The following SOX5 variants were observed in gnomAD, a reference collection of about 807,000 sequenced individuals.
SOX5 encodes transcription factor SOX-5.
In SOX5, 9 loss-of-function variants were observed where a neutral mutation model predicts 92.0. That is an observed-to-expected ratio of 0.10 (90% CI 0.06 to 0.17). The LOEUF (loss-of-function observed/expected upper bound fraction) is 0.17, where lower values mean the gene tolerates loss of function less well. Ranked by LOEUF, SOX5 falls within the 10% of genes least tolerant of loss-of-function variation. The pLI, the probability that SOX5 is intolerant of heterozygous loss-of-function variation, is 1.00. For synonymous variants in SOX5, 344 were observed against 336.3 expected, an observed-to-expected ratio of 1.02 and a Z score of -0.25; for missense variants, 642 against 944.5, an observed-to-expected ratio of 0.68 and a Z score of 4.20.
intron 1 of SOX5, among the ~76,000 whole-genome samples, chr12:24,421,818 G>A (rs534436528): frequency 2.0e-4 from 30 of 152,150 alleles, no homozygotes; most frequent in African/African-American, 6.5e-4. Context: ...ATATCCTATC[G>A]GAATGAGTTG....
intron 3 of SOX5, among the ~76,000 whole-genome samples, chr12:23,797,668 T>C (rs1464010387): frequency 6.6e-6 from 1 of 152,082 alleles, no homozygotes; most frequent in Non-Finnish European, 1.5e-5. Flanking sequence ...AGTTTGGGAC[T>C]GTTCTAAAGA....
At chr12:23,617,128 G>GAA (rs34672362) in intron 8 of SOX5, among the ~76,000 whole-genome samples, 23 of 106,164 alleles carry the variant, frequency 2.2e-4, no homozygotes, top group Non-Finnish European at 3.5e-4. Context: ...TCTGTCTCAA[G>GAA]AAAAAAAAAA....
chr12:24,339,163 CCA>C (rs56243419), intron 2 of SOX5, among the ~76,000 whole-genome samples: 16,624 of 140,288 alleles, frequency 0.12, 999 homozygotes, highest in African/African-American at 0.15. Context: ...TCTCTCTCTG[CCA>C]CACACACACA....
intron 9 of SOX5, among the ~76,000 whole-genome samples, chr12:23,594,237 A>G (rs1952018104): frequency 6.6e-6 from 1 of 152,008 alleles, no homozygotes; most frequent in African/African-American, 2.4e-5. Context: ...TCTGCGTTGA[A>G]TCTACACTCC....
intron 6 of SOX5, among the ~76,000 whole-genome samples, chr12:23,687,527 G>C (rs550692899): frequency 6.6e-6 from 1 of 151,890 alleles, no homozygotes; most frequent in African/African-American, 2.4e-5. Context: ...ATAAGCAAGG[G>C]ACTCACAGAA....
intron 11 of SOX5, among the ~76,000 whole-genome samples, chr12:23,556,919 C>T (rs1051103018): frequency 6.6e-6 from 1 of 152,148 alleles, no homozygotes; most frequent in Non-Finnish European, 1.5e-5. Context: ...AGATGGCCAG[C>T]GAAGCATCAG....
intron 2 of SOX5, among the ~76,000 whole-genome samples, chr12:24,358,038 A>T (rs1408123057): frequency 6.6e-6 from 1 of 152,112 alleles, no homozygotes; most frequent in Non-Finnish European, 1.5e-5. Context: ...TATTTTCAAG[A>T]CTGGCACAGT....
intron 8 of SOX5, among the ~76,000 whole-genome samples, chr12:23,624,980 A>G (rs2077586622): frequency 3.3e-5 from 5 of 152,216 alleles, no homozygotes; most frequent in Admixed American, 3.3e-4. Context: ...ACACTAGCTA[A>G]CTTAGATTGA....
chr12:23,928,406 A>G (rs1175487132), intron 1 of SOX5, among the ~76,000 whole-genome samples: 1 of 152,064 alleles, frequency 6.6e-6, no homozygotes, highest in Non-Finnish European at 1.5e-5. Flanking sequence ...AGAACTCTTT[A>G]ATATTAAAGC....
intron 6 of SOX5, among the ~76,000 whole-genome samples, chr12:23,712,810 TCA>T (rs2092171744): frequency 6.6e-6 from 1 of 152,218 alleles, no homozygotes; most frequent in Non-Finnish European, 1.5e-5. Context: ...CTTTGTACAT[TCA>T]CAGTGTTCCT....
intron 6 of SOX5, among the ~76,000 whole-genome samples, chr12:23,679,726 C>G (rs1485973120): frequency 6.6e-6 from 1 of 152,026 alleles, no homozygotes; most frequent in African/African-American, 2.4e-5. Context: ...ATTTAAGGAG[C>G]ATCAATTTAG....
At chr12:23,983,202 G>T (rs1439520341) in intron 4 of SOX5, among the ~76,000 whole-genome samples, 1 of 151,292 alleles carries the variant, frequency 6.6e-6, no homozygotes, top group Non-Finnish European at 1.5e-5. Flanking sequence ...CCTACCCACT[G>T]CTTTATATCA....
At chr12:23,885,631 A>C (rs1453845389) in intron 2 of SOX5, among the ~76,000 whole-genome samples, 1 of 152,202 alleles carries the variant, frequency 6.6e-6, no homozygotes, top group African/African-American at 2.4e-5. Context: ...GAGCTGGCCA[A>C]GGCTGCTCTC....
intron 9 of SOX5, among the ~76,000 whole-genome samples, chr12:23,577,174 CACAT>C (rs1184475403): frequency 6.4e-5 from 6 of 93,916 alleles, no homozygotes; most frequent in Admixed American, 1.6e-4. Context: ...CACACACACA[CACAT>C]ATATATATAT....
At chr12:23,805,326 T>C (rs1487519363) in intron 3 of SOX5, among the ~76,000 whole-genome samples, 2 of 152,098 alleles carry the variant, frequency 1.3e-5, no homozygotes, top group African/African-American at 4.8e-5. Flanking sequence ...TGCATATGTG[T>C]GTGTGATATA....
At chr12:23,676,762 AG>A in intron 6 of SOX5, among the ~76,000 whole-genome samples, 1 of 152,296 alleles carries the variant, frequency 6.6e-6, no homozygotes, top group South Asian at 2.1e-4. Flanking sequence ...GTTATTTGGG[AG>A]AGGAGATGCG....
At chr12:23,868,251 AT>A (rs2096836755) in intron 2 of SOX5, among the ~76,000 whole-genome samples, 1 of 152,052 alleles carries the variant, frequency 6.6e-6, no homozygotes, top group Non-Finnish European at 1.5e-5. Context: ...TCCACTTCGT[AT>A]TTCTAGGGAA....
chr12:24,309,978 C>T (rs551946718), intron 2 of SOX5, among the ~76,000 whole-genome samples: 10 of 152,206 alleles, frequency 6.6e-5, no homozygotes, highest in Non-Finnish European at 1.0e-4. Flanking sequence ...TACCTGATTG[C>T]TAAATATAAA....
chr12:23,981,023 A>T (rs935111149), intron 4 of SOX5, among the ~76,000 whole-genome samples: 1 of 152,182 alleles, frequency 6.6e-6, no homozygotes, highest in African/African-American at 2.4e-5. Context: ...GCCCTTCTGA[A>T]TTCCCCAGTA....
Sources: allele counts gnomAD v4.1 joint callset (sites outside exome capture counted in the v4.1 genomes callset), GRCh38; gene constraint gnomAD v4.1.1; transcripts MANE v1.5; gene names NCBI Gene and HGNC (gene_info 2026-07-23, HGNC 2026-07-21).